NDFIP1: variants seen among roughly 807,000 people sequenced by gnomAD.
NDFIP1 encodes the protein Nedd4 family interacting protein 1, also known as NEDD4 family-interacting protein 1.
A neutral mutation model predicts 28.8 loss-of-function variants in NDFIP1; 7 were observed. The observed-to-expected ratio is 0.24, with a 90% CI of 0.14 to 0.46. The LOEUF (loss-of-function observed/expected upper bound fraction) is 0.46. Among genes scored for constraint, NDFIP1 ranks in the 20% least tolerant of loss-of-function variants. The probability of loss-of-function intolerance (pLI) is 0.99; values close to 1 mark genes in which losing one functional copy is unlikely to be tolerated. For missense variants in NDFIP1, 194 were observed against 269.1 expected (o/e 0.72, Z 1.95); for synonymous variants, 92 against 101.0 (o/e 0.91, Z 0.53).
intron 7 of NDFIP1, among the ~76,000 whole-genome samples, chr5:142,146,200 A>C (rs546960751): frequency 6.7e-6 from 1 of 149,288 alleles, no homozygotes; most frequent in African/African-American, 2.4e-5. Context: ...TAGTTTCATT[A>C]TTAAAAAAAC....
At chr5:142,126,593 G>A (rs1757171354) in intron 1 of NDFIP1, among the ~76,000 whole-genome samples, 1 of 152,146 alleles carries the variant, frequency 6.6e-6, no homozygotes, top group Non-Finnish European at 1.5e-5. Flanking sequence ...GGATTTATGG[G>A]TTTTGTTTAG....
intron 1 of NDFIP1, among the ~76,000 whole-genome samples, chr5:142,121,799 C>T (rs1757124743): frequency 6.6e-6 from 1 of 152,136 alleles, no homozygotes; most frequent in Non-Finnish European, 1.5e-5. Flanking sequence ...TTCATAGATG[C>T]GAACTGGTAA....
chr5:142,148,271 G>C (rs945183172), intron 7 of NDFIP1, among the ~76,000 whole-genome samples: 1 of 152,144 alleles, frequency 6.6e-6, no homozygotes, highest in Non-Finnish European at 1.5e-5. Flanking sequence ...AGTCAAAGTA[G>C]ATATTACAAA....
intron 1 of NDFIP1, among the ~76,000 whole-genome samples, chr5:142,118,979 A>C (rs1036210): frequency 0.11 from 16,362 of 152,162 alleles, 1,223 homozygotes; most frequent in East Asian, 0.37. Flanking sequence ...TTGAAAAATA[A>C]TACTACAAAC....
intron 1 of NDFIP1, among the ~76,000 whole-genome samples, chr5:142,124,920 G>T (rs750161134): frequency 1.3e-5 from 2 of 152,080 alleles, no homozygotes; most frequent in Non-Finnish European, 2.9e-5. Context: ...CCACCTCCCG[G>T]GTTCACACCA....
chr5:142,109,894 A>T (rs12109469), intron 1 of NDFIP1, among the ~76,000 whole-genome samples: 14,700 of 152,246 alleles, frequency 0.097, 1,079 homozygotes, highest in East Asian at 0.37. Flanking sequence ...ACATACAGTA[A>T]TGGTGGGAAT....
chr5:142,134,904 T>G lies in NDFIP1; in HGVS notation c.283-826T>G, dbSNP rs192090272. Among the ~76,000 whole-genome samples, 32 of 152,334 alleles carry G rather than the reference T, an allele frequency of 2.1e-4. No homozygotes were observed. The East Asian group carries it at 3.9e-3, about 18-fold the overall frequency. The stretch of plus-strand genomic sequence containing the variant: ...TATGGAGTTGAGCAGTGGGCAGTTC[T>G]GTGGACTATTCATGTATGATCGTAC... On this transcript the variant is annotated intron_variant, in intron 3 of 7. Coordinates refer to ENST00000253814, the MANE Select transcript of NDFIP1 (RefSeq NM_030571.4).
At chr5:142,138,657 ATC>A (rs1428555890) in intron 5 of NDFIP1, among the ~76,000 whole-genome samples, 1 of 152,184 alleles carries the variant, frequency 6.6e-6, no homozygotes, top group African/African-American at 2.4e-5. Flanking sequence ...TCCTTTGGGA[ATC>A]TGATGAAAGT....
At chr5:142,132,535 G>A (rs1200945968) in intron 3 of NDFIP1, among the ~76,000 whole-genome samples, 193 bp downstream of exon 3, 1 of 152,160 alleles carries the variant, frequency 6.6e-6, no homozygotes, top group African/African-American at 2.4e-5. Flanking sequence ...TTACTAGTCA[G>A]ACCTGCTCAT....
intron 1 of NDFIP1, 41 bp from the exon 2 acceptor site, chr5:142,131,767 T>C (rs375806935): frequency 1.2e-4 from 176 of 1,468,040 alleles, no homozygotes; most frequent in Non-Finnish European, 1.4e-4. Context: ...ATCTTTCTAA[T>C]TGGCTTTATG....
In NDFIP1 at chr5:142,124,644, A is replaced by G. The variant is rs564531046; in HGVS notation, c.64-7164A>G. ...ATCTGTTATTGTATTGACTTTTTAA[A>G]ACATTATTCTGATTACTTAGTTTTT... On this transcript the variant is annotated intron_variant, in intron 1 of 7. Transcript: ENST00000253814. Among the ~76,000 whole-genome samples the G allele has an allele frequency of 2.0e-5, 3 of 152,302 alleles. No individual in the cohort carries two copies. The South Asian group carries it at 6.2e-4, about 32-fold the overall frequency.
intron 1 of NDFIP1, among the ~76,000 whole-genome samples, chr5:142,112,735 G>A (rs1259540349): frequency 1.3e-5 from 2 of 149,832 alleles, no homozygotes; most frequent in African/African-American, 2.5e-5. Context: ...GCAGTGAGCC[G>A]AGATCGCGCC....
At chr5:142,127,730 C>CCAACCTGGCCAACATGGCACA (rs1757184962) in intron 1 of NDFIP1, among the ~76,000 whole-genome samples, 1 of 151,992 alleles carries the variant, frequency 6.6e-6, no homozygotes, top group Non-Finnish European at 1.5e-5. Context: ...CTGAGGCAGG[C>CCAACCTGGCCAACATGGCACA]GGATCACTTG....
chr5:142,129,678 G>A (rs1049026825), intron 1 of NDFIP1, among the ~76,000 whole-genome samples: 4 of 152,060 alleles, frequency 2.6e-5, no homozygotes, highest in Admixed American at 2.6e-4. Context: ...TGTAATTCCA[G>A]CACTTTGGGA....
intron 1 of NDFIP1, among the ~76,000 whole-genome samples, chr5:142,123,785 G>GT (rs1042564222): frequency 4.6e-5 from 7 of 152,266 alleles, no homozygotes; most frequent in African/African-American, 1.7e-4. Flanking sequence ...AGGGAGCCAG[G>GT]TGTGTAGTCT....
At chr5:142,109,839 G>A (rs576130006) in intron 1 of NDFIP1, among the ~76,000 whole-genome samples, 57 of 152,262 alleles carry the variant, frequency 3.7e-4, no homozygotes, top group African/African-American at 1.3e-3. Context: ...AGTTCCCCCA[G>A]GAAATTTAGA....
chr5:142,132,967 G>A (rs1757241343), intron 3 of NDFIP1, among the ~76,000 whole-genome samples: 1 of 152,264 alleles, frequency 6.6e-6, no homozygotes, highest in African/African-American at 2.4e-5. Flanking sequence ...TGAGGCTGAT[G>A]AAGGTAGGGC....
chr5:142,136,547 G>C (rs1757276854), intron 4 of NDFIP1, among the ~76,000 whole-genome samples: 1 of 150,070 alleles, frequency 6.7e-6, no homozygotes. Flanking sequence ...CTGAGGTCAG[G>C]AGTTCGAGAC....
chr5:142,142,240 A>G (rs1757339575), intron 6 of NDFIP1, among the ~76,000 whole-genome samples: 2 of 152,152 alleles, frequency 1.3e-5, no homozygotes, highest in African/African-American at 2.4e-5. Flanking sequence ...TCATCGCACC[A>G]TCTACCACCT....
Sources: gnomAD v4.1 joint callset for allele counts (sites outside exome capture counted in the v4.1 genomes callset) on GRCh38, gnomAD v4.1.1 for gene constraint, MANE v1.5 for transcripts, NCBI Gene and HGNC (gene_info 2026-07-23, HGNC 2026-07-21) for gene names.